Variants in NRG1 observed in about 807,000 individuals in gnomAD.
NRG1 encodes the protein pro-neuregulin-1, membrane-bound isoform.
In NRG1, 18 loss-of-function variants were observed where a neutral mutation model predicts 63.8. That is an observed-to-expected ratio of 0.28 (90% CI 0.19 to 0.42). NRG1 has a LOEUF of 0.42. NRG1 is among the 10% of genes least tolerant of loss of function. The pLI is 1.00. For synonymous variants in NRG1, 302 were observed against 301.3 expected (o/e 1.00, Z -0.02); for missense variants, 762 against 814.7 (o/e 0.94, Z 0.79).
intron 1 of NRG1, among the ~76,000 whole-genome samples, chr8:32,023,800 A>G (rs1175194572): frequency 6.6e-6 from 1 of 150,430 alleles, no homozygotes; most frequent in Non-Finnish European, 1.5e-5. Flanking sequence ...ATTACGATCA[A>G]ATAGGGACTG....
chr8:32,078,314 A>G (rs955134105), intron 1 of NRG1, among the ~76,000 whole-genome samples: 1 of 152,166 alleles, frequency 6.6e-6, no homozygotes, highest in Non-Finnish European at 1.5e-5. Flanking sequence ...ACCATGTGAC[A>G]TGTCTATTCC....
chr8:32,445,944 T>C (rs1195470051), intron 1 of NRG1, among the ~76,000 whole-genome samples: 1 of 151,976 alleles, frequency 6.6e-6, no homozygotes, highest in Non-Finnish European at 1.5e-5. Context: ...TCTTTGATAC[T>C]AGCATTTTTC....
At chr8:31,691,190 G>A (rs934836580) in intron 1 of NRG1, among the ~76,000 whole-genome samples, 1 of 152,126 alleles carries the variant, frequency 6.6e-6, no homozygotes, top group Admixed American at 6.6e-5. Flanking sequence ...AGGAGGTAAA[G>A]TAGCAAATGA....
At chr8:32,037,684 T>C (rs1819292352) in intron 1 of NRG1, among the ~76,000 whole-genome samples, 1 of 152,138 alleles carries the variant, frequency 6.6e-6, no homozygotes, top group Admixed American at 6.5e-5. Flanking sequence ...AAGGTTCTGC[T>C]TAAAGAAGCA....
intron 1 of NRG1, among the ~76,000 whole-genome samples, chr8:32,056,569 G>C (rs1479428211): frequency 6.6e-6 from 1 of 152,124 alleles, no homozygotes; most frequent in East Asian, 1.9e-4. Flanking sequence ...CTGGTGTCTG[G>C]GCTATGTTCA....
intron 1 of NRG1, among the ~76,000 whole-genome samples, chr8:31,653,653 G>C (rs774546620): frequency 1.1e-4 from 16 of 152,196 alleles, no homozygotes; most frequent in Non-Finnish European, 1.9e-4. Flanking sequence ...ATGATGAAAG[G>C]CATCTATGTG....
chr8:32,191,383 A>T (rs546355057), intron 1 of NRG1, among the ~76,000 whole-genome samples: 1 of 152,208 alleles, frequency 6.6e-6, no homozygotes, highest in Non-Finnish European at 1.5e-5. Flanking sequence ...CCTGGCCCAA[A>T]GTTATTAGAT....
chr8:32,517,047 T>C (rs573658860), intron 1 of NRG1, among the ~76,000 whole-genome samples: 131 of 152,234 alleles, frequency 8.6e-4, no homozygotes, highest in African/African-American at 3.0e-3. Context: ...AATGAGTAAT[T>C]TTATGTCAGA....
chr8:32,692,292 G>T (rs1018036129), intron 5 of NRG1, among the ~76,000 whole-genome samples: 1 of 152,234 alleles, frequency 6.6e-6, no homozygotes. Context: ...CCAGCCAGTT[G>T]CCTAATGGAT....
At position 32,368,371 on chromosome 8, in the gene NRG1, C is replaced by A. The variant is rs1414352425; in HGVS notation, c.38-227457C>A. 7.2e-5 allele frequency among the ~76,000 whole-genome samples: 11 copies of A among 152,102 alleles called. No individual in the cohort carries two copies. In the East Asian group the frequency reaches 1.5e-3, roughly 21 times the overall value. On this transcript the variant is annotated intron_variant, in intron 1 of 10. Transcript: ENST00000519301. ...ATTGCTTGAGCCCCAGAGTTCAAGA[C>A]CAGCCTGGGCAAGATAGCAAGACCC...
At chr8:32,263,506 T>C (rs1051443648) in intron 1 of NRG1, among the ~76,000 whole-genome samples, 1 of 152,196 alleles carries the variant, frequency 6.6e-6, no homozygotes, top group Admixed American at 6.5e-5. Context: ...CCCGCACTTT[T>C]TGTTATCTCT....
At chr8:32,363,440 G>A (rs183801320) in intron 1 of NRG1, among the ~76,000 whole-genome samples, 8 of 152,252 alleles carry the variant, frequency 5.3e-5, no homozygotes, top group Admixed American at 4.6e-4. Context: ...CTTGGTATAC[G>A]GGTATTAAAA....
chr8:31,916,221 A>G (rs1204336509), intron 1 of NRG1, among the ~76,000 whole-genome samples: 1 of 151,186 alleles, frequency 6.6e-6, no homozygotes, highest in Middle Eastern at 3.2e-3. Flanking sequence ...CTTTTTTTTT[A>G]TTATTATACT....
At chr8:32,053,977 C>A (rs904431755) in intron 1 of NRG1, among the ~76,000 whole-genome samples, 6 of 151,884 alleles carry the variant, frequency 4.0e-5, no homozygotes, top group Non-Finnish European at 7.4e-5. Context: ...GGCTCATTAT[C>A]AAAAATAAAT....
chr8:31,790,842 G>A (rs1010650355), intron 1 of NRG1, among the ~76,000 whole-genome samples: 36 of 152,138 alleles, frequency 2.4e-4, no homozygotes, highest in African/African-American at 8.4e-4. Context: ...CCTTGTCCAG[G>A]GGTGGTTAAT....
rs1393342570 is a variant in NRG1 at position 32,553,010 on chromosome 8, C to T, written c.100+4184C>T. On this transcript the variant is annotated intron_variant, in intron 1 of 11. Transcript: ENST00000356819. ...TTGTGTATTTTGTCATCCGTCCTTT[C>T]GAAAATAAGAAAATTCCTTGCTATT... 4.6e-5 allele frequency among the ~76,000 whole-genome samples: 7 copies of T among 152,236 alleles called. No individual in the cohort carries two copies. The East Asian group carries it at 1.2e-3, about 25-fold the overall frequency.
intron 1 of NRG1, among the ~76,000 whole-genome samples, chr8:31,876,027 TAAAAAACA>T (rs1829886932): frequency 1.6e-5 from 2 of 123,230 alleles, no homozygotes; most frequent in Middle Eastern, 3.6e-3. Flanking sequence ...CACTCTGTCC[TAAAAAACA>T]AACAAACAAA....
chr8:32,634,126 T>C (rs1166305342), intron 5 of NRG1, among the ~76,000 whole-genome samples: 1 of 93,012 alleles, frequency 1.1e-5, no homozygotes, highest in African/African-American at 7.2e-5. Flanking sequence ...AAAGGTTGCA[T>C]AAAGCAGCAG....
intron 3 of NRG1, among the ~76,000 whole-genome samples, chr8:32,607,361 C>T (rs1845445241): frequency 6.6e-6 from 1 of 152,006 alleles, no homozygotes. Context: ...AGTGTGTTTC[C>T]TCATAGTTAA....
Sources: allele counts gnomAD v4.1 joint callset (sites outside exome capture counted in the v4.1 genomes callset), GRCh38; gene constraint gnomAD v4.1.1; transcripts MANE v1.5; gene names NCBI Gene and HGNC (gene_info 2026-07-23, HGNC 2026-07-21).